TRAPPC8: variants seen among roughly 807,000 people sequenced by gnomAD.
The protein encoded by TRAPPC8 is trafficking protein particle complex subunit 8.
TRAPPC8 carries 54 observed loss-of-function variants against 174.3 expected under a neutral mutation model. That is an observed-to-expected ratio of 0.31 (90% CI 0.25 to 0.39). TRAPPC8 has a LOEUF of 0.39. Among genes scored for constraint, TRAPPC8 ranks in the 10% least tolerant of loss-of-function variants. The pLI is 1.00. For synonymous variants in TRAPPC8, 630 were observed against 579.9 expected (o/e 1.09, Z -1.24); for missense variants, 1,531 against 1,699.1 (o/e 0.90, Z 1.74).
At position 31,830,430 on chromosome 18, in the gene TRAPPC8, T is replaced by C; in HGVS notation, c.*325A>G. The C allele has an allele frequency of 4.5e-6, 1 of 221,484 alleles. No individual in the cohort carries two copies. The highest frequency in any genetic ancestry group is 1.0e-4 in the South Asian group (1 of 9,676). The allele number at this position is 221,484 out of a possible 1,614,324, so 13.7% of individuals were successfully genotyped here. A position where few individuals can be genotyped will look rare whatever the true frequency, so the allele number is the denominator to read the frequency against. On this transcript the variant is annotated 3_prime_UTR_variant, in exon 29 of 29. Transcript: ENST00000283351. ...TTCCTTTCTCAGAATCATCTCCTAA[T>C]ATTCGTATACCATTGACAAGTTGTA...
At chr18:31,897,733 T>TA in intron 11 of TRAPPC8, 53 bp downstream of exon 11, 1 of 1,277,844 alleles carries the variant, frequency 7.8e-7, no homozygotes, top group Non-Finnish European at 1.0e-6. Flanking sequence ...ATACATCTTT[T>TA]TAAAAAAAAA....
intron 2 of TRAPPC8, among the ~76,000 whole-genome samples, chr18:31,930,999 T>C (rs1462529276): frequency 2.0e-5 from 3 of 152,212 alleles, no homozygotes; most frequent in African/African-American, 7.2e-5. Flanking sequence ...TTTATAAACA[T>C]TTCCTCCACT....
chr18:31,836,003 G>A (rs1257344334), intron 27 of TRAPPC8, among the ~76,000 whole-genome samples: 1 of 152,048 alleles, frequency 6.6e-6, no homozygotes, highest in Non-Finnish European at 1.5e-5. Context: ...GCACAGCTTC[G>A]GCCAAATTAT....
chr18:31,909,137 T>C lies in TRAPPC8; in HGVS notation c.866-127A>G, dbSNP rs2036799009. The C allele has an allele frequency of 1.2e-5, 11 of 899,116 alleles. No homozygotes were observed. The South Asian group carries it at 1.8e-4, about 15-fold the overall frequency. 55.7% of individuals were successfully genotyped at this position (899,116 alleles called of 1,614,324 possible). A position where few individuals can be genotyped will look rare whatever the true frequency, so the allele number is the denominator to read the frequency against. On this transcript the variant is annotated intron_variant, in intron 6 of 28. Coordinates refer to ENST00000283351, the MANE Select transcript of TRAPPC8 (RefSeq NM_014939.5). ...TCCTTTATCTTTCAGTATAGGTAAA[T>C]GTCTAAGATAAAACAGCAGTAACAT... is the stretch of plus-strand genomic sequence containing the variant.
chr18:31,845,992 A>G (rs1162582183), intron 26 of TRAPPC8, among the ~76,000 whole-genome samples: 2 of 152,208 alleles, frequency 1.3e-5, no homozygotes, highest in African/African-American at 4.8e-5. Context: ...ACAACTCCAG[A>G]GGCCACCTTT....
intron 12 of TRAPPC8, among the ~76,000 whole-genome samples, chr18:31,877,695 G>A (rs1385328269): frequency 6.6e-6 from 1 of 151,322 alleles, no homozygotes; most frequent in Admixed American, 6.6e-5. Flanking sequence ...AGGCCAAGGC[G>A]GGTGGATCAC....
chr18:31,833,607 C>G (rs2032511413), intron 27 of TRAPPC8, among the ~76,000 whole-genome samples: 5 of 152,184 alleles, frequency 3.3e-5, no homozygotes, highest in Admixed American at 2.6e-4. Context: ...ATGTTTCTCA[C>G]ACTTGAGTAT....
intron 12 of TRAPPC8, among the ~76,000 whole-genome samples, chr18:31,880,895 A>C (rs1161691426): frequency 6.6e-6 from 1 of 152,084 alleles, no homozygotes; most frequent in Non-Finnish European, 1.5e-5. Context: ...ACTCAATCCC[A>C]TTTACAACTG....
intron 12 of TRAPPC8, among the ~76,000 whole-genome samples, chr18:31,879,990 A>G (rs1451303965): frequency 2.0e-5 from 3 of 148,240 alleles, no homozygotes; most frequent in African/African-American, 7.4e-5. Context: ...AAATAAATAA[A>G]CAACCAAATG....
At chr18:31,890,934 A>G (rs2035928178) in intron 11 of TRAPPC8, 68 bp from the exon 12 acceptor site, 1 of 1,455,974 alleles carries the variant, frequency 6.9e-7, no homozygotes. Flanking sequence ...AACTAGTGAA[A>G]AAAACATTTA....
intron 1 of TRAPPC8, among the ~76,000 whole-genome samples, chr18:31,941,464 T>C (rs999289249): frequency 2.0e-5 from 3 of 151,838 alleles, no homozygotes; most frequent in Non-Finnish European, 4.4e-5. Flanking sequence ...AATAAATAAA[T>C]AACAAAAAAA....
intron 26 of TRAPPC8, among the ~76,000 whole-genome samples, chr18:31,841,332 GC>G (rs1286521724): frequency 6.6e-6 from 1 of 151,394 alleles, no homozygotes; most frequent in Non-Finnish European, 1.5e-5. Flanking sequence ...TGGATATTTT[GC>G]TTTTTTGCAA....
intron 17 of TRAPPC8, 75 bp from the exon 18 acceptor site, chr18:31,867,050 T>G: frequency 6.7e-7 from 1 of 1,488,022 alleles, no homozygotes; most frequent in East Asian, 2.3e-5. Context: ...TTCTATAATG[T>G]TGCAAAAACA....
intron 25 of TRAPPC8, among the ~76,000 whole-genome samples, chr18:31,849,107 A>T (rs192508154): frequency 1.3e-5 from 2 of 152,322 alleles, no homozygotes; most frequent in East Asian, 3.9e-4. Context: ...TACATATAAA[A>T]GCATTTACAG....
intron 10 of TRAPPC8, among the ~76,000 whole-genome samples, chr18:31,898,509 C>A (rs1209946473): frequency 6.6e-6 from 1 of 152,142 alleles, no homozygotes; most frequent in Middle Eastern, 3.2e-3. Flanking sequence ...CTGCTTTGAA[C>A]AGAAAAATAT....
chr18:31,894,321 G>A (rs1240956082), intron 11 of TRAPPC8, among the ~76,000 whole-genome samples: 1 of 152,214 alleles, frequency 6.6e-6, no homozygotes, highest in Admixed American at 6.5e-5. Context: ...TGGTATCAGT[G>A]TTGATGGAAG....
At chr18:31,917,516 T>C in intron 3 of TRAPPC8, 62 bp downstream of exon 3, 3 of 1,480,608 alleles carry the variant, frequency 2.0e-6, no homozygotes, top group Non-Finnish European at 2.8e-6. Context: ...TCATTAACTA[T>C]TTCTGAGATT....
chr18:31,890,226 C>T (rs1432035071), intron 12 of TRAPPC8, among the ~76,000 whole-genome samples: 3 of 152,094 alleles, frequency 2.0e-5, no homozygotes, highest in East Asian at 1.9e-4. Flanking sequence ...CAACTGGGGC[C>T]GGATAAATCT....
At chr18:31,867,059 C>T (rs2034621711) in intron 17 of TRAPPC8, 84 bp from the exon 18 acceptor site, 1 of 1,412,674 alleles carries the variant, frequency 7.1e-7, no homozygotes, top group Non-Finnish European at 9.6e-7. Context: ...GTTGCAAAAA[C>T]ATAAACTCAT....
Sources: allele counts gnomAD v4.1 joint callset (sites outside exome capture counted in the v4.1 genomes callset), GRCh38; gene constraint gnomAD v4.1.1; transcripts MANE v1.5; gene names NCBI Gene and HGNC (gene_info 2026-07-23, HGNC 2026-07-21).